The following DPH5 variants were observed in gnomAD, a reference collection of about 807,000 sequenced individuals.
DPH5 encodes diphthamide biosynthesis 5.
Under a neutral mutation model 31.6 loss-of-function variants are expected in DPH5, and 31 were observed. The ratio of observed to expected loss-of-function variants is 0.98; its 90% CI spans 0.74 to 1.32. The LOEUF (loss-of-function observed/expected upper bound fraction) is 1.32. Ranked by LOEUF, DPH5 falls within the 40% of genes most tolerant of loss-of-function variation. DPH5 has a pLI of 0.00. For synonymous variants in DPH5, 120 were observed against 115.0 expected (o/e 1.04, Z -0.28); for missense variants, 309 against 335.7 (o/e 0.92, Z 0.62).
chr1:101,012,831 T>C (rs1659797364), intron 4 of DPH5, among the ~76,000 whole-genome samples: 1 of 152,224 alleles, frequency 6.6e-6, no homozygotes, highest in South Asian at 2.1e-4. Flanking sequence ...GTCAATTAAA[T>C]TGAACTATTC....
intron 6 of DPH5, among the ~76,000 whole-genome samples, chr1:100,993,707 G>A (rs1658054646): frequency 1.3e-5 from 2 of 149,542 alleles, no homozygotes; most frequent in Admixed American, 1.3e-4. Context: ...ATAGAATCAA[G>A]TTTTCTAGTA....
At chr1:101,022,559 TGAAG>T (rs3835395) in intron 2 of DPH5, among the ~76,000 whole-genome samples, 1 of 152,264 alleles carries the variant, frequency 6.6e-6, no homozygotes, top group East Asian at 1.9e-4. Context: ...CAGTACAGAA[TGAAG>T]GATCATGAAT....
At chr1:100,995,994 T>C (rs531310863) in intron 5 of DPH5, 13 of 152,226 alleles carry the variant, frequency 8.5e-5, no homozygotes, top group Non-Finnish European at 1.3e-4. Context: ...ATTATAGAAG[T>C]GTTTCTTATA....
intron 2 of DPH5, 92 bp from the exon 3 acceptor site, chr1:101,021,857 C>CACAA (rs1301202798): frequency 8.5e-7 from 1 of 1,183,330 alleles, no homozygotes; most frequent in African/African-American, 1.6e-5. Flanking sequence ...CACACACACA[C>CACAA]ACTCTTTGTT....
chr1:101,006,738 T>TA (rs1045862600), intron 4 of DPH5, among the ~76,000 whole-genome samples: 222 of 151,960 alleles, frequency 1.5e-3, no homozygotes, highest in African/African-American at 5.2e-3. Context: ...GTTGTGGTAT[T>TA]AAAAAAAAGA....
At chr1:101,005,251 A>AC (rs1424957052) in intron 4 of DPH5, among the ~76,000 whole-genome samples, 1 of 152,222 alleles carries the variant, frequency 6.6e-6, no homozygotes, top group Non-Finnish European at 1.5e-5. Context: ...CTTGCTAAGA[A>AC]CTCTATTAAG....
chr1:101,013,051 A>G (rs1020019257), intron 4 of DPH5, among the ~76,000 whole-genome samples: 1 of 152,224 alleles, frequency 6.6e-6, no homozygotes, highest in Non-Finnish European at 1.5e-5. Flanking sequence ...ACAATTGATG[A>G]TGTCTTAAAA....
intron 4 of DPH5, among the ~76,000 whole-genome samples, chr1:101,004,593 A>C (rs1659090334): frequency 6.6e-6 from 1 of 152,204 alleles, no homozygotes; most frequent in African/African-American, 2.4e-5. Context: ...ACCCAAAAAA[A>C]CTCAAAACAT....
intron 4 of DPH5, among the ~76,000 whole-genome samples, chr1:101,008,704 CA>C (rs2101220931): frequency 6.6e-6 from 1 of 152,298 alleles, no homozygotes; most frequent in South Asian, 2.1e-4. Context: ...AAAGTGCTTC[CA>C]AGACTCTCTC....
intron 4 of DPH5, among the ~76,000 whole-genome samples, chr1:101,007,727 C>CA (rs1024603178): frequency 7.1e-5 from 10 of 140,024 alleles, no homozygotes; most frequent in Non-Finnish European, 1.3e-4. Context: ...CCGAAAAAAA[C>CA]AAAAAAACAG....
chr1:101,013,869 C>G, intron 3 of DPH5, 51 bp from the exon 4 acceptor site: 1 of 1,399,446 alleles, frequency 7.1e-7, no homozygotes, highest in South Asian at 1.3e-5. Flanking sequence ...ACTTTTAAGA[C>G]AGTAAAGCTA....
At position 101,016,975 on chromosome 1, in the gene DPH5, G is replaced by A. The variant is rs529543246; in HGVS notation, c.261-3157C>T. Among the ~76,000 whole-genome samples the A allele has an allele frequency of 9.2e-5, 14 of 152,244 alleles. No individual in the cohort carries two copies. The South Asian group carries it at 1.9e-3, about 20-fold the overall frequency. Reference sequence around the variant, plus strand: ...CACACAACATTTATCAATTAAGTTCGCCATTTTATATGCGCTTGGTTTGTG... The same window carrying A: ...CACACAACATTTATCAATTAAGTTCACCATTTTATATGCGCTTGGTTTGTG... On this transcript the variant is annotated intron_variant, in intron 3 of 7. Transcript: ENST00000370109.
chr1:101,006,434 G>GA (rs913653993), intron 4 of DPH5, among the ~76,000 whole-genome samples: 6 of 151,682 alleles, frequency 4.0e-5, no homozygotes, highest in African/African-American at 1.5e-4. Flanking sequence ...CAGAAAGGAA[G>GA]AAAAAAAATT....
intron 5 of DPH5, among the ~76,000 whole-genome samples, chr1:100,996,799 TTGTC>T (rs983224442): frequency 6.6e-6 from 1 of 152,256 alleles, no homozygotes; most frequent in African/African-American, 2.4e-5. Flanking sequence ...TATATTGGTC[TTGTC>T]TTTCTAAGTA....
Position 100,990,369 on chromosome 1 carries a change from T to G in DPH5, c.*39A>C. Reference sequence around the variant, plus strand: ...CATCCAAACCATATCAATCCATATATGGCTGAAATTTACATCAGACAATGG... The same window carrying G: ...CATCCAAACCATATCAATCCATATAGGGCTGAAATTTACATCAGACAATGG... On this transcript the variant is annotated 3_prime_UTR_variant, in exon 8 of 8. Coordinates refer to ENST00000370109, the MANE Select transcript of DPH5 (RefSeq NM_015958.3). The G allele has an allele frequency of 6.3e-7, 1 of 1,587,232 alleles. No individual in the cohort carries two copies. Among genetic ancestry groups the G allele is most frequent in the Non-Finnish European group, 8.6e-7 (1 of 1,156,814 alleles).
rs1199612243 is a variant in DPH5 at position 101,025,372 on chromosome 1, T to C, written c.72A>G (p.Arg24=). 1 of 1,614,150 alleles carries C rather than the reference T, an allele frequency of 6.2e-7. No individual in the cohort carries two copies. Among genetic ancestry groups the C allele is most frequent in the South Asian group, 1.1e-5 (1 of 91,080 alleles). ...CTTCCAGATACACTCGACTGCAGCG[T>C]CTAACAACTTCCAGGCCCTTGACTG... ...DITVKGLEVV[R]RCSRVYLEAY... Residue 24 remains arginine, a synonymous_variant, in exon 2 of 8, where the codon AGA becomes AGG. Transcript: ENST00000370109.
intron 6 of DPH5, among the ~76,000 whole-genome samples, chr1:100,994,853 C>T (rs566073255): frequency 3.3e-5 from 5 of 152,266 alleles, no homozygotes; most frequent in Admixed American, 2.0e-4. Flanking sequence ...AGAATCCCAA[C>T]GCATTAATTC....
intron 4 of DPH5, among the ~76,000 whole-genome samples, chr1:101,011,934 CTT>C (rs1213532857): frequency 2.7e-5 from 3 of 109,292 alleles, no homozygotes; most frequent in Non-Finnish European, 5.3e-5. Flanking sequence ...AGTTTTCACT[CTT>C]GTCACCCAGG....
At chr1:101,023,900 C>T (rs1660645534) in intron 2 of DPH5, among the ~76,000 whole-genome samples, 1 of 152,176 alleles carries the variant, frequency 6.6e-6, no homozygotes, top group Non-Finnish European at 1.5e-5. Context: ...AAAGATAAAA[C>T]TATAACCAAA....
Sources: allele counts gnomAD v4.1 joint callset (sites outside exome capture counted in the v4.1 genomes callset), GRCh38; gene constraint gnomAD v4.1.1; transcripts MANE v1.5; gene names NCBI Gene and HGNC (gene_info 2026-07-23, HGNC 2026-07-21).